ACTL6A: variants seen among roughly 807,000 people sequenced by gnomAD.
The protein encoded by ACTL6A is actin like 6A, also known as actin-like protein 6A.
Under a neutral mutation model 59.2 loss-of-function variants are expected in ACTL6A, and 5 were observed. That is an observed-to-expected ratio of 0.08 (90% CI 0.04 to 0.18). The LOEUF is 0.18. Ranked by LOEUF, ACTL6A falls within the 10% of genes least tolerant of loss-of-function variation. The probability of loss-of-function intolerance (pLI) is 1.00; values close to 1 mark genes in which losing one functional copy is unlikely to be tolerated. For missense variants in ACTL6A, 285 were observed against 526.9 expected (o/e 0.54, Z 4.49); for synonymous variants, 154 against 171.8 (o/e 0.90, Z 0.81).
At chr3:179,569,458 C>T (rs529081060) in intron 1 of ACTL6A, among the ~76,000 whole-genome samples, 3 of 152,276 alleles carry the variant, frequency 2.0e-5, no homozygotes, top group Admixed American at 6.5e-5. Flanking sequence ...CTGATTGAAC[C>T]TCTACTTAAA....
In ACTL6A at chr3:179,587,994, A is replaced by G. The variant is rs1276834115; in HGVS notation, c.1274A>G (p.Glu425Gly). The G allele has an allele frequency of 5.0e-6, 8 of 1,603,878 alleles. No individual in the cohort carries two copies. Among genetic ancestry groups the G allele is most frequent in the Non-Finnish European group, 5.9e-6 (7 of 1,177,358 alleles). The change falls in exon 14 of 14, where the codon GAA becomes GGA. Residue 425 changes from glutamate to glycine, a missense_variant. By Grantham distance (98) the Glu-to-Gly change is moderately conservative. Transcript: ENST00000429709. Reference protein sequence around the residue: ...EYEEGGKQCVERKCP With the variant: ...EYEEGGKQCVGRKCP ...GAAGAAGGAGGGAAGCAGTGTGTAG[A>G]AAGAAAATGCCCTTGAGAAAGAGTT...
At chr3:179,569,798 A>T (rs1453711350) in intron 1 of ACTL6A, 26 bp from the exon 2 acceptor site, 1 of 1,604,444 alleles carries the variant, frequency 6.2e-7, no homozygotes. Flanking sequence ...CAAGCTGTTA[A>T]TGCTAATTAT....
At chr3:179,577,031 CT>C in intron 8 of ACTL6A, 118 bp downstream of exon 8, 1 of 652,990 alleles carries the variant, frequency 1.5e-6, no homozygotes, top group Non-Finnish European at 2.5e-6. Flanking sequence ...TATTTTCAAG[CT>C]CTTTATTTTT....
Position 179,563,026 on chromosome 3 carries a change from G to A in ACTL6A, c.-67G>A, listed in dbSNP as rs532888237. 282 of 1,588,530 alleles carry A rather than the reference G, an allele frequency of 1.8e-4. No individual in the cohort carries two copies. Among genetic ancestry groups the A allele is most frequent in the Non-Finnish European group, 2.3e-4 (264 of 1,169,032 alleles). On this transcript the variant is annotated 5_prime_UTR_variant, in exon 1 of 14. Coordinates refer to ENST00000429709, the MANE Select transcript of ACTL6A (RefSeq NM_004301.5). ...CAGGGGCTATCGCTCCTCGAGACTC[G>A]CAGTCGCGGCCACTGCAGTCACTTC...
intron 12 of ACTL6A, 180 bp downstream of exon 12, chr3:179,583,628 CTTAAA>C: frequency 2.1e-6 from 1 of 484,942 alleles, no homozygotes; most frequent in Non-Finnish European, 3.6e-6. Flanking sequence ...ATTAGTTTCT[CTTAAA>C]TTATTTGAAT....
chr3:179,586,516 A>T, intron 12 of ACTL6A, 30 bp from the exon 13 acceptor site: 1 of 1,285,664 alleles, frequency 7.8e-7, no homozygotes, highest in Non-Finnish European at 1.1e-6. Context: ...ACAAGATTTG[A>T]TTGTACTAAT....
At chr3:179,564,242 A>G (rs1288482628) in intron 1 of ACTL6A, among the ~76,000 whole-genome samples, 3 of 152,290 alleles carry the variant, frequency 2.0e-5, no homozygotes, top group African/African-American at 4.8e-5. Flanking sequence ...AATCCAGACT[A>G]TTGCTGTTGT....
intron 1 of ACTL6A, among the ~76,000 whole-genome samples, chr3:179,565,613 G>A (rs1717812336): frequency 6.7e-6 from 1 of 150,278 alleles, no homozygotes; most frequent in South Asian, 2.1e-4. Context: ...TGGAGGAGGA[G>A]TGGAAAGGGA....
intron 8 of ACTL6A, among the ~76,000 whole-genome samples, chr3:179,579,453 T>TACACACACACACACACACACAC: frequency 1.8e-5 from 1 of 55,278 alleles, no homozygotes; most frequent in East Asian, 1.7e-3. Flanking sequence ...ATTTATATCA[T>TACACACACACACACACACACAC]ATACACACAC....
At chr3:179,577,793 C>G (rs1235118584) in intron 8 of ACTL6A, among the ~76,000 whole-genome samples, 1 of 151,614 alleles carries the variant, frequency 6.6e-6, no homozygotes, top group Non-Finnish European at 1.5e-5. Flanking sequence ...CATCCCTGTT[C>G]CTTCAAAGGA....
chr3:179,567,087 C>G (rs994522408), intron 1 of ACTL6A, among the ~76,000 whole-genome samples: 1 of 152,014 alleles, frequency 6.6e-6, no homozygotes, highest in African/African-American at 2.4e-5. Flanking sequence ...CTGGTTTCAC[C>G]GGGCATGGTA....
At chr3:179,583,981 T>C (rs1179777038) in intron 12 of ACTL6A, among the ~76,000 whole-genome samples, 1 of 152,230 alleles carries the variant, frequency 6.6e-6, no homozygotes, top group Non-Finnish European at 1.5e-5. Context: ...AGTAGTTGGC[T>C]TCTAGTCTTT....
intron 1 of ACTL6A, among the ~76,000 whole-genome samples, chr3:179,568,214 C>T (rs1453105364): frequency 2.0e-5 from 3 of 150,486 alleles, no homozygotes; most frequent in African/African-American, 4.9e-5. Flanking sequence ...TGCAAAGCTA[C>T]TGTCTCTTAA....
intron 6 of ACTL6A, 44 bp downstream of exon 6, chr3:179,576,355 C>A: frequency 7.4e-7 from 1 of 1,356,774 alleles, no homozygotes; most frequent in Admixed American, 2.3e-5. Flanking sequence ...TTTTAGATGC[C>A]ATGAGGATGC....
Position 179,576,859 on chromosome 3 carries a change from A to G in ACTL6A, c.714A>G (p.Lys238=). The G allele has an allele frequency of 6.2e-7, 1 of 1,614,080 alleles. No individual in the cohort carries two copies. Among genetic ancestry groups the G allele is most frequent in the South Asian group, 1.1e-5 (1 of 91,078 alleles). The change falls in exon 8 of 14, where the codon AAA becomes AAG. Residue 238 remains lysine, a synonymous_variant. Transcript: ENST00000429709. ...GTGAAGGATCTCCAGCAAACTGGAA[A>G]AGAAAAGAGAAGTTGCCTCAGGTTA... ...AVREGSPANW[K]RKEKLPQVTR...
At position 179,588,103 on chromosome 3, in the gene ACTL6A, G is replaced by T; in HGVS notation, c.*93G>T. On this transcript the variant is annotated 3_prime_UTR_variant, in exon 14 of 14. Coordinates refer to ENST00000429709, the MANE Select transcript of ACTL6A (RefSeq NM_004301.5). ...AAAGAATGACCATCTTTTGTAGAAT[G>T]TTTATACATTTTTGCATATTTCAAT... The T allele has an allele frequency of 1.1e-6, 1 of 948,122 alleles. No homozygotes were observed. The highest frequency in any genetic ancestry group is 1.5e-6 in the Non-Finnish European group (1 of 669,342). 58.7% of individuals were successfully genotyped at this position (948,122 alleles called of 1,614,324 possible).
At chr3:179,574,638 A>C in intron 5 of ACTL6A, 171 bp downstream of exon 5, 1 of 589,792 alleles carries the variant, frequency 1.7e-6, no homozygotes, top group Non-Finnish European at 3.1e-6. Flanking sequence ...AGAACTGATG[A>C]TACACCAGAA....
In ACTL6A at chr3:179,586,561, T is replaced by C. The variant is rs73883564; in HGVS notation, c.1138T>C (p.Leu380=). 3.1e-6 allele frequency: 5 copies of C among 1,591,774 alleles called. No individual in the cohort carries two copies. The East Asian group carries it at 6.9e-5, about 22-fold the overall frequency. ...QKTPPSMRLK[L]IANNTTVERR... ...TCTATTTCAGAGTATGCGGTTGAAA[T>C]TGATTGCAAATAATACAACAGTGGA... Residue 380 remains leucine (L), a synonymous_variant, in exon 13 of 14, where the codon TTG becomes CTG. Coordinates refer to ENST00000429709, the MANE Select transcript of ACTL6A (RefSeq NM_004301.5).
chr3:179,570,313 C>G lies in ACTL6A; in HGVS notation c.277+72C>G. 3 of 1,327,472 alleles carry G rather than the reference C, an allele frequency of 2.3e-6. No homozygotes were observed. The highest frequency in any genetic ancestry group is 1.8e-5 in the South Asian group (1 of 55,350). 82.2% of individuals were successfully genotyped at this position (1,327,472 alleles called of 1,614,324 possible). ...ATTTTAGATACAAAGTAGTAGCTTC[C>G]TATAAGTTGAACATCAACCATGGTT... On this transcript the variant is annotated intron_variant, in intron 3 of 13. Coordinates refer to ENST00000429709, the MANE Select transcript of ACTL6A (RefSeq NM_004301.5). This position sits in a 1 kb window ranked among gnomAD's most constrained non-coding sequence, Gnocchi z 4.3.
Sources: gnomAD v4.1 joint callset for allele counts (sites outside exome capture counted in the v4.1 genomes callset) on GRCh38, gnomAD v4.1.1 for gene constraint, Gnocchi (gnomAD v3.1) non-coding constraint, MANE v1.5 for transcripts, NCBI Gene and HGNC (gene_info 2026-07-23, HGNC 2026-07-21) for gene names.